Variants in TBC1D16 observed in about 807,000 individuals in gnomAD.
The protein encoded by TBC1D16 is CTD-2529O21.1.
TBC1D16 carries 58 observed loss-of-function variants against 74.7 expected under a neutral mutation model. The observed-to-expected ratio is 0.78, with a 90% CI of 0.63 to 0.97. TBC1D16 has a LOEUF of 0.97. TBC1D16 is among the 50% of genes least tolerant of loss of function. The pLI, the probability that TBC1D16 is intolerant of heterozygous loss-of-function variation, is 0.00. For synonymous variants in TBC1D16, 493 were observed against 474.7 expected (o/e 1.04, Z -0.50); for missense variants, 1,014 against 1,079.5 (o/e 0.94, Z 0.85).
intron 3 of TBC1D16, among the ~76,000 whole-genome samples, chr17:79,969,305 G>A (rs1568597876): frequency 6.6e-6 from 1 of 152,152 alleles, no homozygotes; most frequent in Non-Finnish European, 1.5e-5. Flanking sequence ...AGAATCGCTT[G>A]AACCTAGGAA....
chr17:79,949,068 C>T (rs2032813069), intron 7 of TBC1D16, 62 bp from the exon 8 acceptor site: 2 of 1,604,084 alleles, frequency 1.2e-6, no homozygotes, highest in Non-Finnish European at 8.5e-7. Flanking sequence ...TCGTGTGGCG[C>T]ACACACTGCA....
chr17:79,956,188 C>G lies in TBC1D16; in HGVS notation c.780-3370G>C, dbSNP rs2033325947. Among the ~76,000 whole-genome samples the G allele has an allele frequency of 6.6e-6, 1 of 152,206 alleles. No individual in the cohort carries two copies. On this transcript the variant is annotated intron_variant, in intron 3 of 11. Transcript: ENST00000310924. This position sits in a 1 kb window ranked among gnomAD's most constrained non-coding sequence, Gnocchi z 4.0. ...CGACCTGAGTGAACTCCAGGGAGCC[C>G]AGCGCAACAGCCTGTCCCAGCCCAG...
intron 9 of TBC1D16, among the ~76,000 whole-genome samples, chr17:79,945,795 C>T (rs1013669079): frequency 1.3e-5 from 2 of 152,262 alleles, no homozygotes; most frequent in Non-Finnish European, 2.9e-5. Flanking sequence ...CACACACACC[C>T]GTTGATGCAG....
At chr17:80,005,811 G>A (rs1159180158) in intron 3 of TBC1D16, among the ~76,000 whole-genome samples, 2 of 152,130 alleles carry the variant, frequency 1.3e-5, no homozygotes, top group Non-Finnish European at 2.9e-5. Context: ...ACGAATGTGG[G>A]CAGCCCGGGG....
rs1009232123 is a variant in TBC1D16 at position 79,969,109 on chromosome 17, G to A, written c.780-16291C>T. On this transcript the variant is annotated intron_variant, in intron 3 of 11. Coordinates refer to ENST00000310924, the MANE Select transcript of TBC1D16 (RefSeq NM_019020.4). ...CCCTGGAGAAATGCAAATCAAGGCC[G>A]AGCGTGGTGGCTCACGCCTGTAATC... 7.0e-4 allele frequency among the ~76,000 whole-genome samples: 106 copies of A among 152,260 alleles called. 2 individuals carry two copies. Among genetic ancestry groups the A allele is most frequent in the Non-Finnish European group, 2.6e-4 (18 of 68,008 alleles).
Position 79,942,089 on chromosome 17 carries a change from G to C in TBC1D16, c.2026C>G (p.His676Asp), listed in dbSNP as rs2032065655. ...CGGAGAACGAGCTCCCCGTTCATGT[G>C]CATGGCCAGGTTTCCGAAGTGCAGG... ...MLLHFGNLAM[H>D]MNGELVLRKA... Residue 676 changes from histidine (H) to aspartate (D), a missense_variant, in exon 11 of 12, where the codon CAC (histidine) becomes GAC (aspartate). His to Asp is a moderately conservative substitution (Grantham distance 81). Transcript: ENST00000310924. 6 of 1,612,458 alleles carry C rather than the reference G, an allele frequency of 3.7e-6. No individual in the cohort carries two copies. The East Asian group carries it at 1.3e-4, about 36-fold the overall frequency.
At chr17:79,965,079 G>A (rs1370527983) in intron 3 of TBC1D16, among the ~76,000 whole-genome samples, 6 of 100,596 alleles carry the variant, frequency 6.0e-5, no homozygotes, top group Non-Finnish European at 1.1e-4. Context: ...CTAATTTTCT[G>A]TATTAATTTT....
In TBC1D16 at chr17:80,008,578, C is replaced by T. The variant is rs538052694; in HGVS notation, c.779+1582G>A. 6.6e-6 allele frequency among the ~76,000 whole-genome samples: 1 copy of T among 152,238 alleles called. No individual in the cohort carries two copies. The highest frequency in any genetic ancestry group is 1.9e-4 in the East Asian group (1 of 5,158). On this transcript the variant is annotated intron_variant, in intron 3 of 11. Coordinates refer to ENST00000310924, the MANE Select transcript of TBC1D16 (RefSeq NM_019020.4). This position sits in a 1 kb window ranked among gnomAD's most constrained non-coding sequence, Gnocchi z 4.5. ...CTGCTGCACTGTTGGCCTGGCACCA[C>T]CAGGGGGAGCTCCGACTGAGTCCGG...
chr17:79,947,122 G>T (rs1198141052), intron 9 of TBC1D16, among the ~76,000 whole-genome samples: 1 of 152,178 alleles, frequency 6.6e-6, no homozygotes, highest in East Asian at 1.9e-4. Flanking sequence ...GTCTACATAG[G>T]GCTGGTCCTT....
intron 2 of TBC1D16, 50 bp downstream of exon 2, chr17:80,013,317 G>A (rs1216250968): frequency 6.5e-7 from 1 of 1,533,784 alleles, no homozygotes; most frequent in African/African-American, 1.4e-5. Flanking sequence ...CCCTGGCTCG[G>A]AAAATAACCT....
intron 3 of TBC1D16, among the ~76,000 whole-genome samples, chr17:79,963,321 T>G (rs1160654004): frequency 1.3e-5 from 2 of 152,106 alleles, no homozygotes; most frequent in African/African-American, 4.8e-5. Context: ...TCCTAGCACC[T>G]AATCTCAGTG....
At chr17:80,026,940 A>G (rs2036600522) in intron 1 of TBC1D16, among the ~76,000 whole-genome samples, 2 of 142,944 alleles carry the variant, frequency 1.4e-5, no homozygotes, top group Non-Finnish European at 2.9e-5. Flanking sequence ...TCATCAGTAC[A>G]CGAACAGAGG....
At chr17:80,034,999 A>G (rs2036911562) in intron 1 of TBC1D16, among the ~76,000 whole-genome samples, 1 of 152,252 alleles carries the variant, frequency 6.6e-6, no homozygotes, top group African/African-American at 2.4e-5. Context: ...CCCAGACAGT[A>G]AAACAAACTT....
chr17:80,028,086 G>C (rs1242124732), intron 1 of TBC1D16, among the ~76,000 whole-genome samples: 2 of 151,732 alleles, frequency 1.3e-5, no homozygotes, highest in Non-Finnish European at 2.9e-5. Flanking sequence ...GTGCCTCCCA[G>C]AATGCCATCT....
chr17:79,999,073 C>T (rs1264166483), intron 3 of TBC1D16, among the ~76,000 whole-genome samples: 3 of 151,962 alleles, frequency 2.0e-5, no homozygotes, highest in East Asian at 1.9e-4. Context: ...CCGGCCAACA[C>T]GGCGAAACCC....
chr17:80,006,329 C>T lies in TBC1D16; in HGVS notation c.779+3831G>A, dbSNP rs190430529. Among the ~76,000 whole-genome samples, 469 of 152,286 alleles carry T rather than the reference C, an allele frequency of 3.1e-3. 2 individuals carry two copies. Among genetic ancestry groups the T allele is most frequent in the Non-Finnish European group, 2.4e-3 (160 of 68,034 alleles). ...AGTTCAAAACATTCCCATGCCTGGG[C>T]GCCACCCCAGCGATCCTAGTTTAAT... On this transcript the variant is annotated intron_variant, in intron 3 of 11. Transcript: ENST00000310924.
chr17:79,976,209 C>A (rs1210398874), intron 3 of TBC1D16, among the ~76,000 whole-genome samples: 1 of 152,276 alleles, frequency 6.6e-6, no homozygotes, highest in African/African-American at 2.4e-5. Context: ...TGGTACCCTA[C>A]ATGTCGATGC....
intron 1 of TBC1D16, 70 bp from the exon 2 acceptor site, chr17:80,013,679 G>C: frequency 1.0e-6 from 1 of 971,762 alleles, no homozygotes; most frequent in South Asian, 1.8e-5. Flanking sequence ...AGTACGTGTC[G>C]CCTCGGCACC....
intron 10 of TBC1D16, 54 bp from the exon 11 acceptor site, chr17:79,942,260 C>T (rs1159419014): frequency 6.5e-6 from 10 of 1,531,700 alleles, no homozygotes; most frequent in Non-Finnish European, 6.2e-6. Flanking sequence ...CCAGGCCCTG[C>T]ACTCAGGGGG....
Sources: allele counts gnomAD v4.1 joint callset (sites outside exome capture counted in the v4.1 genomes callset), GRCh38; gene constraint gnomAD v4.1.1; non-coding constraint Gnocchi (gnomAD v3.1); transcripts MANE v1.5; gene names NCBI Gene and HGNC (gene_info 2026-07-23, HGNC 2026-07-21).